The following XG variants were observed in gnomAD, a reference collection of about 807,000 sequenced individuals.
XG encodes Xg glycoprotein (Xg blood group), also known as glycoprotein Xg.
Under a neutral mutation model 25.7 loss-of-function variants are expected in XG, and 24 were observed. The observed-to-expected ratio is 0.93, with a 90% CI of 0.68 to 1.31. The LOEUF (loss-of-function observed/expected upper bound fraction) is 1.31. Among genes scored for constraint, XG ranks in the 40% most tolerant of loss-of-function variants. The pLI, the probability that XG is intolerant of heterozygous loss-of-function variation, is 0.00. For missense variants in XG, 181 were observed against 187.6 expected (o/e 0.96, Z 0.21); for synonymous variants, 77 against 69.2 (o/e 1.11, Z -0.56).
rs2087093237 is a variant in XG, at chrX:2,815,185, C to T, written c.*805C>T. Reference sequence around the variant, plus strand: ...TCTGTAAGTGCTAGTTCCTAAGGCACCAACATTGCATTCCTTGGTTTATAC... The same window carrying T: ...TCTGTAAGTGCTAGTTCCTAAGGCATCAACATTGCATTCCTTGGTTTATAC... On this transcript the variant is annotated 3_prime_UTR_variant, in exon 11 of 11. Coordinates refer to ENST00000644266, the MANE Select transcript of XG (RefSeq NM_001141919.2). 9.0e-6 allele frequency: 1 copy of T among 111,286 alleles called. No homozygotes were observed. Among genetic ancestry groups the T allele is most frequent in the African/African-American group, 3.3e-5 (1 of 30,609 alleles). 9.2% of individuals were successfully genotyped at this position (111,286 alleles called of 1,213,427 possible).
At chrX:2,799,899 T>C (rs2086919178) in intron 7 of XG, among the ~76,000 whole-genome samples, 1 of 111,695 alleles carries the variant, frequency 9.0e-6, no homozygotes. Flanking sequence ...TGGTATTTGG[T>C]TTTCTGTTCC....
At chrX:2,811,488 T>A in intron 10 of XG, 36 bp downstream of exon 10, 1 of 1,006,900 alleles carries the variant, frequency 9.9e-7, no homozygotes, top group African/African-American at 2.1e-5. Flanking sequence ...TGCTTGTTAC[T>A]AAGCCTGATT....
chrX:2,790,442 G>C (rs1454398632), intron 5 of XG, among the ~76,000 whole-genome samples: 1 of 104,587 alleles, frequency 9.6e-6, no homozygotes, highest in East Asian at 3.0e-4. Flanking sequence ...GGAGGCTGCT[G>C]TGAGTTGAGA....
chrX:2,763,253 A>G (rs1308259064), intron 1 of XG, among the ~76,000 whole-genome samples: 1 of 152,192 alleles, frequency 6.6e-6, no homozygotes, highest in East Asian at 1.9e-4. Flanking sequence ...ACCTCAGGTA[A>G]TCTGCCTGCC....
intron 7 of XG, among the ~76,000 whole-genome samples, chrX:2,806,050 C>CA (rs1354038136): frequency 1.8e-5 from 2 of 112,083 alleles, no homozygotes; most frequent in African/African-American, 6.5e-5. Flanking sequence ...TTTTCTGAGA[C>CA]AAAATCTCAC....
At chrX:2,766,407 G>A (rs1200568107) in intron 1 of XG, among the ~76,000 whole-genome samples, 3 of 151,906 alleles carry the variant, frequency 2.0e-5, no homozygotes, top group Admixed American at 2.0e-4. Context: ...CCAAAGTGCT[G>A]GGATTACAGG....
At chrX:2,770,788 G>T (rs2050801308) in intron 2 of XG, among the ~76,000 whole-genome samples, 197 bp downstream of exon 2, 1 of 152,016 alleles carries the variant, frequency 6.6e-6, no homozygotes, top group East Asian at 1.9e-4. Context: ...CTCATTTCTT[G>T]GTAGGTCTGT....
intron 2 of XG, 107 bp from the exon 3 acceptor site, chrX:2,774,609 G>C: frequency 8.1e-7 from 1 of 1,241,482 alleles, no homozygotes; most frequent in Non-Finnish European, 1.2e-6. Context: ...ACTTTGTATG[G>C]CTTTGTCACT....
intron 3 of XG, among the ~76,000 whole-genome samples, chrX:2,780,630 A>G (rs2051099095): frequency 6.6e-6 from 1 of 151,836 alleles, no homozygotes; most frequent in African/African-American, 2.4e-5. Flanking sequence ...AGGCAGGAGA[A>G]TCACTTGAAC....
intron 1 of XG, among the ~76,000 whole-genome samples, chrX:2,765,809 G>A (rs937961116): frequency 1.3e-5 from 2 of 150,980 alleles, no homozygotes; most frequent in African/African-American, 4.9e-5. Context: ...TATTATTCGA[G>A]CAATGGTACT....
chrX:2,802,332 A>G (rs2086952064), intron 7 of XG, among the ~76,000 whole-genome samples: 1 of 110,475 alleles, frequency 9.1e-6, no homozygotes, highest in East Asian at 2.9e-4. Context: ...TTTTTAAAAA[A>G]TTTTTGTAGA....
intron 3 of XG, among the ~76,000 whole-genome samples, chrX:2,779,166 G>A (rs372866136): frequency 3.1e-4 from 47 of 151,528 alleles, no homozygotes; most frequent in African/African-American, 1.1e-3. Flanking sequence ...TAACCTCAGA[G>A]TTAGGAGGTT....
intron 6 of XG, among the ~76,000 whole-genome samples, chrX:2,795,636 A>G (rs911677519): frequency 1.5e-3 from 171 of 110,397 alleles, no homozygotes; most frequent in African/African-American, 5.5e-3. Context: ...ATGTCTTTAA[A>G]TATGTATATA....
At chrX:2,781,157 G>A (rs1050641422) in intron 3 of XG, among the ~76,000 whole-genome samples, 1 of 151,854 alleles carries the variant, frequency 6.6e-6, no homozygotes, top group Non-Finnish European at 1.5e-5. Flanking sequence ...GTTATACAAA[G>A]GCTGGAATGT....
intron 1 of XG, among the ~76,000 whole-genome samples, chrX:2,762,950 T>G (rs2050597739): frequency 6.6e-6 from 1 of 152,154 alleles, no homozygotes; most frequent in Non-Finnish European, 1.5e-5. Context: ...AGAAGGTGAT[T>G]GTAGTGTAGA....
chrX:2,786,405 T>C (rs2086784940), intron 4 of XG, among the ~76,000 whole-genome samples: 1 of 108,526 alleles, frequency 9.2e-6, no homozygotes, highest in Non-Finnish European at 1.9e-5. Flanking sequence ...GTAACTGGGA[T>C]TACAGGCGTG....
At chrX:2,758,568 C>T (rs951557166) in intron 1 of XG, among the ~76,000 whole-genome samples, 1 of 152,212 alleles carries the variant, frequency 6.6e-6, no homozygotes, top group Non-Finnish European at 1.5e-5. Flanking sequence ...CAAGGTGACA[C>T]CCCCAGATAC....
chrX:2,759,291 C>A lies in XG; in HGVS notation c.61+6956C>A, dbSNP rs188317683. Among the ~76,000 whole-genome samples the A allele has an allele frequency of 1.1e-4, 16 of 152,330 alleles. No homozygotes were observed. The South Asian group carries it at 3.1e-3, about 30-fold the overall frequency. ...TACGCAGCCCCAAGTGTCATTAGTG[C>A]TGTAGTGGAGAACCTGCTGTTAGTT... On this transcript the variant is annotated intron_variant, in intron 1 of 10. Transcript: ENST00000644266.
intron 1 of XG, among the ~76,000 whole-genome samples, chrX:2,768,577 G>A (rs980000151): frequency 9.2e-5 from 14 of 152,140 alleles, no homozygotes; most frequent in Non-Finnish European, 1.9e-4. Context: ...AGACCAGCCT[G>A]GCCAACATGG....
Sources: allele counts gnomAD v4.1 joint callset (sites outside exome capture counted in the v4.1 genomes callset), GRCh38; gene constraint gnomAD v4.1.1; transcripts MANE v1.5; gene names NCBI Gene and HGNC (gene_info 2026-07-23, HGNC 2026-07-21).